Variants in PLAGL1 observed in about 807,000 individuals in gnomAD.
PLAGL1 encodes PLAG1 like zinc finger 1.
Under a neutral mutation model 4.6 loss-of-function variants are expected in PLAGL1, and 1 was observed. That is an observed-to-expected ratio of 0.22 (90% CI 0.08 to 1.03). The LOEUF is 1.03. PLAGL1 is among the 50% of genes least tolerant of loss of function. PLAGL1 has a pLI of 0.58. For synonymous variants in PLAGL1, 240 were observed against 237.8 expected (o/e 1.01, Z -0.08); for missense variants, 464 against 570.4 (o/e 0.81, Z 1.90).
At chr6:143,993,331 A>AACAAACACAC (rs1554266742) in intron 1 of PLAGL1, among the ~76,000 whole-genome samples, 1 of 142,336 alleles carries the variant, frequency 7.0e-6, no homozygotes, top group Non-Finnish European at 1.5e-5. Context: ...AACAAAACAA[A>AACAAACACAC]ACACACACAC....
chr6:143,941,588 A>G lies in PLAGL1; in HGVS notation c.1228T>C (p.Ser410Pro). The G allele has an allele frequency of 6.2e-7, 1 of 1,608,510 alleles. No individual in the cohort carries two copies. Among genetic ancestry groups the G allele is most frequent in the Non-Finnish European group, 8.5e-7 (1 of 1,176,592 alleles). Residue 410 changes from serine to proline, a missense_variant, in exon 8 of 8, where the codon TCT (serine) becomes CCT (proline). By Grantham distance (74) the Ser-to-Pro change is moderately conservative. This residue lies in a region of PLAGL1 where 248 missense variants were observed against 250.1 expected (regional missense o/e 0.99). Coordinates refer to ENST00000674357, the MANE Select transcript of PLAGL1 (RefSeq NM_001317162.2). This position sits in a 1 kb window ranked among gnomAD's most constrained non-coding sequence, Gnocchi z 6.0. ...NSTLALGPGESLPHRLSCLGQ... is the reference protein window; with the variant it reads ...NSTLALGPGEPLPHRLSCLGQ... ...AGACAGCTTAACCTGTGGGGCAAAG[A>G]TTCCCCAGGCCCCAGGGCAAGAGTG...
Position 144,061,457 on chromosome 6 carries a change from C to T in PLAGL1, c.-151+3011G>A, listed in dbSNP as rs1275132601. Among the ~76,000 whole-genome samples, 1 of 152,160 alleles carries T rather than the reference C, an allele frequency of 6.6e-6. No individual in the cohort carries two copies. The highest frequency in any genetic ancestry group is 1.5e-5 in the Non-Finnish European group (1 of 68,018). ...TCACAGCCAGGTGCCTCTGAAACAT[C>T]GTAGCTGTTAATCCTCATAAGTCTC... On this transcript the variant is annotated intron_variant, in intron 1 of 3. Transcript: ENST00000437412. The surrounding 1 kb of genome is among the most constrained non-coding windows in gnomAD (Gnocchi z 4.4).
At chr6:144,021,803 A>T (rs1795997902) in intron 1 of PLAGL1, among the ~76,000 whole-genome samples, 1 of 152,224 alleles carries the variant, frequency 6.6e-6, no homozygotes, top group African/African-American at 2.4e-5. Context: ...TTGTGAAAGC[A>T]ATTAGAAAGG....
rs1798885232 is a variant in PLAGL1 at position 144,055,294 on chromosome 6, A to G, written c.-151+9174T>C. ...AACACTTTCATTTTACATATAAGGA[A>G]GCAGACTCAAAGGTCACAAAGCCAA... On this transcript the variant is annotated intron_variant, in intron 1 of 3. Transcript: ENST00000437412. The surrounding 1 kb of genome is among the most constrained non-coding windows in gnomAD (Gnocchi z 5.0). 6.6e-6 allele frequency among the ~76,000 whole-genome samples: 1 copy of G among 152,206 alleles called. No homozygotes were observed. The highest frequency in any genetic ancestry group is 6.5e-5 in the Admixed American group (1 of 15,278).
rs1562442796 is a variant in PLAGL1 at position 143,963,788 on chromosome 6, T to C, written c.-399+999A>G. ...CTTAATTCCCATAGCTACCTGCTGT[T>C]TGGGTGATGTTTTGCTTTTATTAGG... On this transcript the variant is annotated intron_variant, in intron 5 of 7. Transcript: ENST00000674357. The surrounding 1 kb of genome is among the most constrained non-coding windows in gnomAD (Gnocchi z 6.1). Among the ~76,000 whole-genome samples, 1 of 152,236 alleles carries C rather than the reference T, an allele frequency of 6.6e-6. No individual in the cohort carries two copies. The highest frequency in any genetic ancestry group is 1.5e-5 in the Non-Finnish European group (1 of 68,040).
Position 144,063,423 on chromosome 6 carries a change from C to G in PLAGL1, c.-151+1045G>C, listed in dbSNP as rs1218615663. 6.6e-6 allele frequency among the ~76,000 whole-genome samples: 1 copy of G among 152,198 alleles called. No individual in the cohort carries two copies. The highest frequency in any genetic ancestry group is 1.5e-5 in the Non-Finnish European group (1 of 68,034). The stretch of plus-strand genomic sequence containing the variant: ...AAAAAGTCTCACGCCAGGGCTTTAT[C>G]CCCTCACGTGATTCAGGACATCTGG... On this transcript the variant is annotated intron_variant, in intron 1 of 3. Transcript: ENST00000437412. This position sits in a 1 kb window ranked among gnomAD's most constrained non-coding sequence, Gnocchi z 5.7.
At position 143,964,995 on chromosome 6, in the gene PLAGL1, G is replaced by A. The variant is rs1383464017; in HGVS notation, c.-430-177C>T. 6 of 152,216 alleles carry A rather than the reference G, an allele frequency of 3.9e-5. No homozygotes were observed. Among genetic ancestry groups the A allele is most frequent in the African/African-American group, 1.4e-4 (6 of 41,442 alleles). The allele number at this position is 152,216 out of a possible 1,614,324, so 9.4% of individuals were successfully genotyped here. A position where few individuals can be genotyped will look rare whatever the true frequency, so the allele number is the denominator to read the frequency against. ...CAGGACACCCCCGTTTCCCAAGCCT[G>A]GATGTGCCTCCCAGGGTAGCATGCT... On this transcript the variant is annotated intron_variant, in intron 4 of 7. Coordinates refer to ENST00000674357, the MANE Select transcript of PLAGL1 (RefSeq NM_001317162.2). The surrounding 1 kb of genome is among the most constrained non-coding windows in gnomAD (Gnocchi z 4.3).
chr6:143,971,896 G>A lies in PLAGL1; in HGVS notation c.-543-2918C>T, dbSNP rs747903821. On this transcript the variant is annotated intron_variant, in intron 2 of 7. Coordinates refer to ENST00000674357, the MANE Select transcript of PLAGL1 (RefSeq NM_001317162.2). The surrounding 1 kb of genome is among the most constrained non-coding windows in gnomAD (Gnocchi z 4.7). ...ATTAATGGAAATATCTAAACATTAC[G>A]TTGTGGTTTATTTTTAGGAAAGAAT... Among the ~76,000 whole-genome samples the A allele has an allele frequency of 8.5e-4, 129 of 152,288 alleles. No homozygotes were observed. Among genetic ancestry groups the A allele is most frequent in the Middle Eastern group, 3.4e-3 (1 of 294 alleles).
At chr6:144,035,043 G>A (rs1365853823) in intron 1 of PLAGL1, among the ~76,000 whole-genome samples, 2 of 152,126 alleles carry the variant, frequency 1.3e-5, no homozygotes, top group Non-Finnish European at 2.9e-5. Flanking sequence ...GGCATTCACT[G>A]TAAAATTCAA....
intron 1 of PLAGL1, among the ~76,000 whole-genome samples, chr6:144,028,261 A>G (rs1251762621): frequency 6.6e-6 from 1 of 152,200 alleles, no homozygotes; most frequent in Non-Finnish European, 1.5e-5. Context: ...TATATCTTTT[A>G]AATTATATAT....
Position 143,975,383 on chromosome 6 carries a change from T to C in PLAGL1, c.-543-6405A>G, listed in dbSNP as rs1322437001. 6.6e-6 allele frequency among the ~76,000 whole-genome samples: 1 copy of C among 152,196 alleles called. No individual in the cohort carries two copies. The highest frequency in any genetic ancestry group is 1.5e-5 in the Non-Finnish European group (1 of 68,014). ...ATTTTATAAATTAAGCAATTAACAATATTTTTGGAACCTTAGTTTCCCTAT... is the reference window on the plus strand; with the variant it reads ...ATTTTATAAATTAAGCAATTAACAACATTTTTGGAACCTTAGTTTCCCTAT... On this transcript the variant is annotated intron_variant, in intron 2 of 7. Transcript: ENST00000674357. The surrounding 1 kb of genome is among the most constrained non-coding windows in gnomAD (Gnocchi z 5.8).
chr6:143,956,021 C>T (rs1421477682), intron 6 of PLAGL1, among the ~76,000 whole-genome samples: 1 of 152,186 alleles, frequency 6.6e-6, no homozygotes, highest in Non-Finnish European at 1.5e-5. Flanking sequence ...GCCTAATGGG[C>T]ATTCGGGCCA....
chr6:143,947,975 A>G lies in PLAGL1; in HGVS notation c.152+10T>C, dbSNP rs1780154025. 2 of 1,611,402 alleles carry G rather than the reference A, an allele frequency of 1.2e-6. No homozygotes were observed. Among genetic ancestry groups the G allele is most frequent in the Non-Finnish European group, 1.7e-6 (2 of 1,177,712 alleles). Reference sequence around the variant, plus strand: ...TTCTAAAAGTGCATACCTTTGCCAAAGCCTCTCACCTCATCAATTTATATC... The same window carrying G: ...TTCTAAAAGTGCATACCTTTGCCAAGGCCTCTCACCTCATCAATTTATATC... On this transcript the variant is annotated intron_variant, in intron 7 of 7. Transcript: ENST00000674357. This position sits in a 1 kb window ranked among gnomAD's most constrained non-coding sequence, Gnocchi z 4.3.
chr6:144,031,288 A>T (rs1304586711), intron 1 of PLAGL1, among the ~76,000 whole-genome samples: 1 of 151,976 alleles, frequency 6.6e-6, no homozygotes, highest in Non-Finnish European at 1.5e-5. Context: ...ATTTTCTCCC[A>T]CTCTGTGGGT....
chr6:143,980,275 C>A (rs1787624555), intron 2 of PLAGL1, among the ~76,000 whole-genome samples: 1 of 152,016 alleles, frequency 6.6e-6, no homozygotes, highest in African/African-American at 2.4e-5. Flanking sequence ...AAGGCTTCAG[C>A]CATTATATCT....
rs142108445 is a variant in PLAGL1, at chr6:144,015,010, G to C, written c.-150-46032C>G. Among the ~76,000 whole-genome samples, 1 of 152,134 alleles carries C rather than the reference G, an allele frequency of 6.6e-6. No individual in the cohort carries two copies. The highest frequency in any genetic ancestry group is 2.4e-5 in the African/African-American group (1 of 41,428). On this transcript the variant is annotated intron_variant, in intron 1 of 3. Coordinates refer to the PLAGL1 transcript ENST00000437412. The surrounding 1 kb of genome is among the most constrained non-coding windows in gnomAD (Gnocchi z 4.3). The stretch of plus-strand genomic sequence containing the variant: ...GCATTTCACGCCATTCACAAAAAAC[G>C]AATCAAGTGAAATCTCAGACCTAAA...
chr6:143,988,845 C>T (rs1224177751), intron 1 of PLAGL1, among the ~76,000 whole-genome samples: 1 of 152,166 alleles, frequency 6.6e-6, no homozygotes, highest in African/African-American at 2.4e-5. Flanking sequence ...CTGAGGGCTC[C>T]ACCCTTATGG....
At chr6:143,980,236 G>A (rs1334296426) in intron 2 of PLAGL1, among the ~76,000 whole-genome samples, 1 of 151,976 alleles carries the variant, frequency 6.6e-6, no homozygotes, top group Non-Finnish European at 1.5e-5. Flanking sequence ...ACTTAGATTT[G>A]TGGATTTATT....
At chr6:143,943,201 A>G (rs1779043783) in intron 7 of PLAGL1, among the ~76,000 whole-genome samples, 1 of 151,886 alleles carries the variant, frequency 6.6e-6, no homozygotes, top group South Asian at 2.1e-4. Context: ...TTTAATGTAT[A>G]CAGATTTCTG....
Sources: allele counts gnomAD v4.1 joint callset (sites outside exome capture counted in the v4.1 genomes callset), GRCh38; gene constraint gnomAD v4.1.1; regional missense constraint gnomAD v4.1.1; non-coding constraint Gnocchi (gnomAD v3.1); transcripts MANE v1.5; gene names NCBI Gene and HGNC (gene_info 2026-07-23, HGNC 2026-07-21).